The following LRRC72 variants were observed in gnomAD, a reference collection of about 807,000 sequenced individuals.
LRRC72 encodes the protein leucine rich repeat containing 72, also known as leucine-rich repeat-containing protein 72.
In LRRC72, 41 loss-of-function variants were observed where a neutral mutation model predicts 35.8. That is an observed-to-expected ratio of 1.15 (90% CI 0.89 to 1.49). LRRC72 has a LOEUF of 1.49. Among genes scored for constraint, LRRC72 ranks in the 40% most tolerant of loss-of-function variants. The probability of loss-of-function intolerance (pLI) is 0.00; values close to 1 mark genes in which losing one functional copy is unlikely to be tolerated. For synonymous variants in LRRC72, 118 were observed against 119.2 expected, an observed-to-expected ratio of 0.99 and a Z score of 0.07; for missense variants, 389 against 330.7, an observed-to-expected ratio of 1.18 and a Z score of -1.37.
intron 1 of LRRC72, among the ~76,000 whole-genome samples, chr7:16,528,800 C>T (rs748298639): frequency 1.3e-5 from 2 of 152,174 alleles, no homozygotes; most frequent in Non-Finnish European, 2.9e-5. Flanking sequence ...CAGAAGTGAG[C>T]ATAATGCTGA....
At chr7:16,538,370 G>A (rs549265587) in intron 3 of LRRC72, among the ~76,000 whole-genome samples, 15 of 152,274 alleles carry the variant, frequency 9.9e-5, no homozygotes, top group South Asian at 4.1e-4. Flanking sequence ...GATCCTTCCC[G>A]TTATAGCTTA....
intron 6 of LRRC72, among the ~76,000 whole-genome samples, chr7:16,567,048 T>C (rs1782856496): frequency 6.6e-6 from 1 of 152,176 alleles, no homozygotes; most frequent in Non-Finnish European, 1.5e-5. Flanking sequence ...TTCTATAGGA[T>C]ACATCGGAAA....
In LRRC72 at chr7:16,567,451, T is replaced by C. The variant is rs1352912680; in HGVS notation, c.578T>C (p.Ile193Thr). The C allele has an allele frequency of 6.5e-7, 1 of 1,531,098 alleles. No individual in the cohort carries two copies. The highest frequency in any genetic ancestry group is 2.5e-5 in the East Asian group (1 of 40,576). 94.8% of individuals were successfully genotyped at this position (1,531,098 alleles called of 1,614,324 possible). A position where few individuals can be genotyped will look rare whatever the true frequency, so the allele number is the denominator to read the frequency against. Residue 193 changes from isoleucine to threonine, a missense_variant, in exon 7 of 9, where the codon ATC (isoleucine) becomes ACC (threonine). By Grantham distance (89) the Ile-to-Thr change is moderately conservative. Coordinates refer to ENST00000401542, the MANE Select transcript of LRRC72 (RefSeq NM_001195280.2). ...ATTTTTAACCATAAAAAGGCTCATA[T>C]CGTTCAATCAATAGCATTCGGAGGA... ...ITIFNHKKAH[I>T]VQSIAFGGKV...
At chr7:16,555,406 C>G (rs574267943) in intron 3 of LRRC72, among the ~76,000 whole-genome samples, 2 of 152,326 alleles carry the variant, frequency 1.3e-5, no homozygotes, top group South Asian at 2.1e-4. Context: ...TAAATCCTCA[C>G]TAAGTCAGAT....
intron 7 of LRRC72, among the ~76,000 whole-genome samples, chr7:16,570,072 T>C (rs774691988): frequency 6.6e-6 from 1 of 152,108 alleles, no homozygotes; most frequent in Non-Finnish European, 1.5e-5. Context: ...ATAAGCCTCT[T>C]GGAAGCACAG....
intron 1 of LRRC72, among the ~76,000 whole-genome samples, chr7:16,528,866 CAGA>C (rs1046009578): frequency 2.0e-5 from 3 of 152,120 alleles, no homozygotes; most frequent in Non-Finnish European, 4.4e-5. Context: ...AGAGCACTAA[CAGA>C]GAAGGAGGAA....
intron 3 of LRRC72, among the ~76,000 whole-genome samples, chr7:16,553,991 T>C (rs1782602201): frequency 6.6e-6 from 1 of 152,192 alleles, no homozygotes; most frequent in Admixed American, 6.5e-5. Flanking sequence ...CCTACAGCAA[T>C]CCTGGGAATC....
At chr7:16,527,478 G>C (rs1185247424) in intron 1 of LRRC72, among the ~76,000 whole-genome samples, 1 of 151,922 alleles carries the variant, frequency 6.6e-6, no homozygotes, top group Non-Finnish European at 1.5e-5. Flanking sequence ...GTGTGGATGT[G>C]GGTGTGGGTG....
intron 3 of LRRC72, among the ~76,000 whole-genome samples, chr7:16,540,985 C>G (rs1782346687): frequency 6.6e-6 from 1 of 152,142 alleles, no homozygotes; most frequent in South Asian, 2.1e-4. Context: ...GGCCACCATG[C>G]CCCCAAATGA....
chr7:16,551,507 T>G (rs10240269), intron 3 of LRRC72, among the ~76,000 whole-genome samples: 1 of 151,938 alleles, frequency 6.6e-6, no homozygotes, highest in Non-Finnish European at 1.5e-5. Flanking sequence ...TTCTGCTTCC[T>G]GGAAGCCCTA....
intron 7 of LRRC72, among the ~76,000 whole-genome samples, chr7:16,576,841 C>G (rs1324695494): frequency 3.3e-5 from 5 of 152,174 alleles, no homozygotes; most frequent in African/African-American, 9.7e-5. Context: ...TATAGTGTCA[C>G]AGAGCCTGGG....
At chr7:16,577,486 A>G (rs941515585) in intron 7 of LRRC72, among the ~76,000 whole-genome samples, 2 of 152,248 alleles carry the variant, frequency 1.3e-5, no homozygotes, top group African/African-American at 4.8e-5. Context: ...AGCCTCACAC[A>G]AAACTCAGAG....
intron 8 of LRRC72, 39 bp from the exon 9 acceptor site, chr7:16,581,285 G>C: frequency 7.1e-7 from 1 of 1,408,210 alleles, no homozygotes. Context: ...TTTCATTTTT[G>C]ATTGCTTTTT....
intron 3 of LRRC72, among the ~76,000 whole-genome samples, chr7:16,540,202 G>T (rs936009760): frequency 6.6e-6 from 1 of 152,214 alleles, no homozygotes; most frequent in African/African-American, 2.4e-5. Flanking sequence ...GCATCAGCAT[G>T]CCCTGGATGT....
At chr7:16,570,293 G>A (rs1782921747) in intron 7 of LRRC72, among the ~76,000 whole-genome samples, 1 of 152,158 alleles carries the variant, frequency 6.6e-6, no homozygotes, top group Non-Finnish European at 1.5e-5. Flanking sequence ...TATTGTGGGG[G>A]TTATTTTGGA....
rs530660173 is a variant in LRRC72 at position 16,555,559 on chromosome 7, G to A, written c.235-1801G>A. On this transcript the variant is annotated intron_variant, in intron 3 of 8. Transcript: ENST00000401542. Reference sequence around the variant, plus strand: ...AGGCCAAGGCGGGTGGATCAGCTGAGGTCAGGAGTTCAAGACCAGCGTGGC... The same window carrying A: ...AGGCCAAGGCGGGTGGATCAGCTGAAGTCAGGAGTTCAAGACCAGCGTGGC... Among the ~76,000 whole-genome samples the A allele has an allele frequency of 5.3e-3, 804 of 152,310 alleles. 9 individuals carry two copies. Among genetic ancestry groups the A allele is most frequent in the African/African-American group, 0.019 (774 of 41,566 alleles).
intron 3 of LRRC72, among the ~76,000 whole-genome samples, chr7:16,552,667 C>T (rs767745564): frequency 6.6e-6 from 1 of 152,138 alleles, no homozygotes; most frequent in Admixed American, 6.5e-5. Context: ...AGGACAGTTC[C>T]TGGAACTCAA....
chr7:16,581,248 T>G (rs1783136258), intron 8 of LRRC72, 76 bp from the exon 9 acceptor site: 2 of 1,291,624 alleles, frequency 1.5e-6, no homozygotes, highest in Non-Finnish European at 1.0e-6. Context: ...TTGATTCATT[T>G]GAATAAAAAT....
rs1175726508 is a variant in LRRC72 at position 16,526,999 on chromosome 7, G to A, written c.47G>A (p.Arg16His). The A allele has an allele frequency of 1.9e-6, 3 of 1,539,884 alleles. No individual in the cohort carries two copies. The highest frequency in any genetic ancestry group is 8.7e-7 in the Non-Finnish European group (1 of 1,146,922). Residue 16 changes from arginine (R) to histidine (H), a missense_variant, in exon 1 of 9, where the codon CGC (arginine) becomes CAC (histidine). By Grantham distance (29) the Arg-to-His change is conservative. Transcript: ENST00000401542. ...GTGCCCCGTACCTTGCGATGCTGGC[G>A]CCTACGGAGGGCATCCGAAACTGCC... The part of the protein sequence containing the change: ...NPVPRTLRCW[R>H]LRRASETALQ...
Sources: allele counts gnomAD v4.1 joint callset (sites outside exome capture counted in the v4.1 genomes callset), GRCh38; gene constraint gnomAD v4.1.1; transcripts MANE v1.5; gene names NCBI Gene and HGNC (gene_info 2026-07-23, HGNC 2026-07-21).